TENM2: variants seen among roughly 807,000 people sequenced by gnomAD.
The protein encoded by TENM2 is teneurin-2.
TENM2 carries 52 observed loss-of-function variants against 245.2 expected under a neutral mutation model. The observed-to-expected ratio is 0.21, with a 90% CI of 0.17 to 0.27. TENM2 has a LOEUF of 0.27. TENM2 is among the 10% of genes least tolerant of loss of function. The probability of loss-of-function intolerance (pLI) is 1.00; values close to 1 mark genes in which losing one functional copy is unlikely to be tolerated. For synonymous variants in TENM2, 1,363 were observed against 1,438.9 expected (o/e 0.95, Z 1.19); for missense variants, 3,046 against 3,666.8 (o/e 0.83, Z 4.37).
intron 5 of TENM2, among the ~76,000 whole-genome samples, chr5:168,018,059 T>C (rs1785815979): frequency 6.6e-6 from 1 of 152,194 alleles, no homozygotes; most frequent in African/African-American, 2.4e-5. Flanking sequence ...AACTTTATCT[T>C]CTGGCAAAAT....
At position 167,943,721 on chromosome 5, in the gene TENM2, A is replaced by G. The variant is rs1779373918; in HGVS notation, c.713-8867A>G. Among the ~76,000 whole-genome samples, 12 of 152,316 alleles carry G rather than the reference A, an allele frequency of 7.9e-5. 1 individual carries two copies. The South Asian group carries it at 2.5e-3, about 32-fold the overall frequency. On this transcript the variant is annotated intron_variant, in intron 3 of 28. Coordinates refer to ENST00000518659, the Ensembl canonical transcript of TENM2. ...TTTCTGCTACAGCACAACAATCAACATAACGTCTGGGCATATTAATAATTT... is the reference window on the plus strand; with the variant it reads ...TTTCTGCTACAGCACAACAATCAACGTAACGTCTGGGCATATTAATAATTT...
chr5:168,083,295 T>C lies in TENM2; in HGVS notation c.1516-7279T>C, dbSNP rs542829818. On this transcript the variant is annotated intron_variant, in intron 7 of 28. Transcript: ENST00000518659. ...CCTGGTGTGCCGTTTGCTAAGACCA[T>C]TGGAAAAGCGCAGTATTAGGGTGGG... 1.5e-4 allele frequency among the ~76,000 whole-genome samples: 23 copies of C among 152,284 alleles called. 1 individual carries two copies. In the South Asian group the frequency reaches 4.4e-3, roughly 29 times the overall value.
At chr5:167,373,647 G>A (rs1195089060) in intron 1 of TENM2, among the ~76,000 whole-genome samples, 3 of 152,132 alleles carry the variant, frequency 2.0e-5, no homozygotes, top group African/African-American at 4.8e-5. Flanking sequence ...TAAATAAACT[G>A]CACCAAAATG....
the TENM2 span, among the ~76,000 whole-genome samples, chr5:167,276,491 T>C: frequency 6.6e-6 from 1 of 152,130 alleles, no homozygotes; most frequent in South Asian, 2.1e-4. Flanking sequence ...AGATGAGTTG[T>C]CATATGAAAT....
At chr5:167,760,373 A>G (rs1762582766) in intron 2 of TENM2, among the ~76,000 whole-genome samples, 1 of 152,158 alleles carries the variant, frequency 6.6e-6, no homozygotes, top group South Asian at 2.1e-4. Context: ...AATTTAATAC[A>G]CTGTTGGAAG....
At chr5:167,089,046 C>T in the TENM2 span, among the ~76,000 whole-genome samples, 1 of 152,194 alleles carries the variant, frequency 6.6e-6, no homozygotes, top group Non-Finnish European at 1.5e-5. Flanking sequence ...AATTGTATCT[C>T]ATGAAATTAA....
chr5:167,262,315 G>A, the TENM2 span, among the ~76,000 whole-genome samples: 2 of 150,004 alleles, frequency 1.3e-5, no homozygotes, highest in South Asian at 4.2e-4. Context: ...CTGGGATCAC[G>A]CCCTTACACT....
intron 2 of TENM2, among the ~76,000 whole-genome samples, chr5:167,732,663 G>A (rs949917256): frequency 6.6e-6 from 1 of 152,134 alleles, no homozygotes; most frequent in African/African-American, 2.4e-5. Context: ...GTGACATGTA[G>A]TGACACTTCA....
At chr5:167,997,918 T>C (rs1179876787) in intron 5 of TENM2, among the ~76,000 whole-genome samples, 1 of 152,236 alleles carries the variant, frequency 6.6e-6, no homozygotes, top group East Asian at 1.9e-4. Flanking sequence ...TCCAACCATA[T>C]GTCCACTGTC....
intron 2 of TENM2, among the ~76,000 whole-genome samples, chr5:167,606,293 C>A (rs1292801863): frequency 2.0e-5 from 3 of 152,038 alleles, no homozygotes; most frequent in East Asian, 1.9e-4. Context: ...AGTTCTGGAG[C>A]CTGAAAGTCT....
chr5:167,932,186 A>G (rs1250005472), intron 3 of TENM2, among the ~76,000 whole-genome samples: 1 of 152,142 alleles, frequency 6.6e-6, no homozygotes, highest in Non-Finnish European at 1.5e-5. Context: ...CTGCAATTCC[A>G]TCGTGAAGGT....
chr5:167,646,745 G>C (rs1156382175), intron 2 of TENM2, among the ~76,000 whole-genome samples: 1 of 152,096 alleles, frequency 6.6e-6, no homozygotes, highest in African/African-American at 2.4e-5. Context: ...CACAAGTACA[G>C]TTTTAAAAGT....
At chr5:167,674,585 C>T (rs1449326167) in intron 2 of TENM2, among the ~76,000 whole-genome samples, 2 of 152,078 alleles carry the variant, frequency 1.3e-5, no homozygotes, top group Non-Finnish European at 2.9e-5. Flanking sequence ...CAAGTTTCTA[C>T]TGCTTATAAC....
intron 2 of TENM2, among the ~76,000 whole-genome samples, chr5:167,601,937 G>A (rs1364432581): frequency 6.6e-6 from 1 of 151,844 alleles, no homozygotes; most frequent in Non-Finnish European, 1.5e-5. Context: ...AACTGGGGAT[G>A]GTGAAGGATG....
chr5:167,727,231 T>G (rs1760084367), intron 2 of TENM2, among the ~76,000 whole-genome samples: 1 of 146,404 alleles, frequency 6.8e-6, no homozygotes, highest in African/African-American at 2.5e-5. Flanking sequence ...TGCCTCAGCC[T>G]CCCGAGTTGC....
intron 2 of TENM2, among the ~76,000 whole-genome samples, chr5:167,805,764 A>G (rs548150682): frequency 1.3e-5 from 2 of 152,272 alleles, no homozygotes; most frequent in African/African-American, 4.8e-5. Flanking sequence ...GGTGGTGGGC[A>G]TAGCATCCAG....
At chr5:167,633,289 A>G (rs775110274) in intron 2 of TENM2, among the ~76,000 whole-genome samples, 2 of 152,204 alleles carry the variant, frequency 1.3e-5, no homozygotes, top group Non-Finnish European at 2.9e-5. Context: ...CAAGGAGTTT[A>G]CATTCCTTTC....
chr5:167,676,378 G>A (rs904219744), intron 2 of TENM2, among the ~76,000 whole-genome samples: 11 of 151,958 alleles, frequency 7.2e-5, no homozygotes, highest in Non-Finnish European at 1.5e-4. Context: ...CGCAAGATGT[G>A]GTTCCCGGTT....
the TENM2 span, among the ~76,000 whole-genome samples, chr5:167,140,794 G>A: frequency 2.6e-5 from 4 of 152,252 alleles, no homozygotes; most frequent in East Asian, 3.9e-4. Context: ...CACAAGATGA[G>A]AGAAGGATGT....
Sources: gnomAD v4.1 joint callset for allele counts (sites outside exome capture counted in the v4.1 genomes callset) on GRCh38, gnomAD v4.1.1 for gene constraint, MANE v1.5 for transcripts, NCBI Gene and HGNC (gene_info 2026-07-23, HGNC 2026-07-21) for gene names.